The following TPX2 variants were observed in gnomAD, a reference collection of about 807,000 sequenced individuals.
TPX2 encodes the protein targeting protein for Xklp2.
A neutral mutation model predicts 93.6 loss-of-function variants in TPX2; 21 were observed. The observed-to-expected ratio is 0.22, with a 90% CI of 0.16 to 0.32. The LOEUF is 0.32. Among genes scored for constraint, TPX2 ranks in the 10% least tolerant of loss-of-function variants. The pLI, the probability that TPX2 is intolerant of heterozygous loss-of-function variation, is 1.00. For missense variants in TPX2, 776 were observed against 871.1 expected (o/e 0.89, Z 1.37); for synonymous variants, 281 against 298.3 (o/e 0.94, Z 0.60).
chr20:31,760,684 A>G (rs1200482763), intron 4 of TPX2, among the ~76,000 whole-genome samples: 1 of 152,144 alleles, frequency 6.6e-6, no homozygotes, highest in Non-Finnish European at 1.5e-5. Context: ...TTATTGCCAG[A>G]TACGTAACTG....
At chr20:31,757,353 C>T in intron 2 of TPX2, 54 bp from the exon 3 acceptor site, 1 of 770,576 alleles carries the variant, frequency 1.3e-6, no homozygotes, top group Non-Finnish European at 2.1e-6. Context: ...GTAGTAAAAC[C>T]AAAGTAATGA....
At position 31,792,878 on chromosome 20, in the gene TPX2, T is replaced by C. The variant is rs758251360; in HGVS notation, c.1509+48T>C. 5 of 1,520,632 alleles carry C rather than the reference T, an allele frequency of 3.3e-6. No homozygotes were observed. The South Asian group carries it at 5.6e-5, about 17-fold the overall frequency. 94.2% of individuals were successfully genotyped at this position (1,520,632 alleles called of 1,614,324 possible). A position where few individuals can be genotyped will look rare whatever the true frequency, so the allele number is the denominator to read the frequency against. On this transcript the variant is annotated intron_variant, in intron 13 of 17. Coordinates refer to ENST00000300403, the MANE Select transcript of TPX2 (RefSeq NM_012112.5). Reference sequence around the variant, plus strand: ...GTTCTTTTTCCTTCTATATAGTCAGTCAATCTAAGCCTTATCATTTATTAA... The same window carrying C: ...GTTCTTTTTCCTTCTATATAGTCAGCCAATCTAAGCCTTATCATTTATTAA...
Position 31,801,146 on chromosome 20 carries a change from G to C in TPX2, c.*66G>C. 1.4e-6 allele frequency: 2 copies of C among 1,417,746 alleles called. No homozygotes were observed. The highest frequency in any genetic ancestry group is 4.6e-5 in the East Asian group (2 of 43,726). 87.8% of individuals were successfully genotyped at this position (1,417,746 alleles called of 1,614,324 possible). A position where few individuals can be genotyped will look rare whatever the true frequency, so the allele number is the denominator to read the frequency against. On this transcript the variant is annotated 3_prime_UTR_variant, in exon 18 of 18. Transcript: ENST00000300403. ...TGCTCTTAACCTCAAACCTAGGACCGTCTTGCTTTGTCATTGGGCATGGAG... is the reference window on the plus strand; with the variant it reads ...TGCTCTTAACCTCAAACCTAGGACCCTCTTGCTTTGTCATTGGGCATGGAG...
intron 1 of TPX2, among the ~76,000 whole-genome samples, chr20:31,740,608 A>T (rs2061747897): frequency 6.6e-6 from 1 of 152,198 alleles, no homozygotes; most frequent in Admixed American, 6.5e-5. Context: ...CAGATATATG[A>T]TGTACTCAAA....
intron 3 of TPX2, among the ~76,000 whole-genome samples, chr20:31,759,400 T>C (rs1382951750): frequency 1.4e-5 from 2 of 143,918 alleles, no homozygotes; most frequent in Non-Finnish European, 3.0e-5. Flanking sequence ...TCTTTCGTTT[T>C]TTTTTTTTTT....
At chr20:31,798,901 A>G (rs1386867394) in intron 17 of TPX2, among the ~76,000 whole-genome samples, 1 of 152,260 alleles carries the variant, frequency 6.6e-6, no homozygotes. Context: ...GGAAGTTTTC[A>G]TAAGGAGGAC....
chr20:31,798,541 C>T lies in TPX2; in HGVS notation c.2122C>T (p.Arg708Trp), dbSNP rs961144867. 6 of 1,606,476 alleles carry T rather than the reference C, an allele frequency of 3.7e-6. No homozygotes were observed. Among genetic ancestry groups the T allele is most frequent in the South Asian group, 1.1e-5 (1 of 90,164 alleles). ...GAAAAAAGAGGAGCTGGCCAGGCTA[C>T]GGAGAGAACTGGTAACTGGGAGCAT... ...EQKKEELARL[R>W]RELVHKANPI... is the part of the protein sequence containing the mutation. Residue 708 changes from arginine to tryptophan, a missense_variant, in exon 17 of 18, where the codon CGG becomes TGG. Coordinates refer to ENST00000300403, the MANE Select transcript of TPX2 (RefSeq NM_012112.5).
chr20:31,783,668 A>T (rs756431955), intron 11 of TPX2, 37 bp from the exon 12 acceptor site: 1 of 1,572,170 alleles, frequency 6.4e-7, no homozygotes, highest in East Asian at 2.2e-5. Flanking sequence ...ATTTTATTAA[A>T]ATTTTTTTTG....
chr20:31,797,569 T>C (rs939966166), intron 16 of TPX2, 54 bp downstream of exon 16: 2 of 1,480,756 alleles, frequency 1.4e-6, no homozygotes, highest in African/African-American at 2.8e-5. Context: ...GACTTCCCAG[T>C]GGGATGCTGG....
At chr20:31,754,367 C>T (rs2061839000) in intron 2 of TPX2, among the ~76,000 whole-genome samples, 1 of 152,172 alleles carries the variant, frequency 6.6e-6, no homozygotes, top group Admixed American at 6.5e-5. Context: ...AGGCATGAGC[C>T]ACCACTCTCA....
At chr20:31,743,531 T>A (rs1007604347) in intron 2 of TPX2, among the ~76,000 whole-genome samples, 3 of 151,618 alleles carry the variant, frequency 2.0e-5, no homozygotes, top group African/African-American at 4.8e-5. Flanking sequence ...ACAAAAAAAA[T>A]AAAACATAAA....
intron 1 of TPX2, among the ~76,000 whole-genome samples, chr20:31,742,171 GCT>G (rs1382535800): frequency 7.1e-6 from 1 of 141,798 alleles, no homozygotes; most frequent in Admixed American, 7.1e-5. Context: ...GTAAAAGTTT[GCT>G]CTTTTTTTTT....
chr20:31,745,974 C>T (rs2061781670), intron 2 of TPX2, among the ~76,000 whole-genome samples: 1 of 152,020 alleles, frequency 6.6e-6, no homozygotes, highest in African/African-American at 2.4e-5. Context: ...GTTTGTAATC[C>T]TTAAAAAAGG....
intron 15 of TPX2, 98 bp downstream of exon 15, chr20:31,794,646 AT>A: frequency 6.9e-7 from 1 of 1,447,064 alleles, no homozygotes; most frequent in Non-Finnish European, 9.4e-7. Context: ...AACATGCTAC[AT>A]TGTTTCAGGG....
At chr20:31,745,630 T>C (rs766693078) in intron 2 of TPX2, among the ~76,000 whole-genome samples, 1 of 152,186 alleles carries the variant, frequency 6.6e-6, no homozygotes, top group Non-Finnish European at 1.5e-5. Context: ...ATAAACACTT[T>C]TATTAGGTTC....
intron 2 of TPX2, among the ~76,000 whole-genome samples, chr20:31,743,552 C>T (rs574104787): frequency 3.4e-4 from 52 of 151,888 alleles, no homozygotes; most frequent in African/African-American, 1.2e-3. Flanking sequence ...AAAATTTAAC[C>T]GGGCGTGGTG....
At position 31,770,332 on chromosome 20, in the gene TPX2, C is replaced by G. The variant is rs2061957525; in HGVS notation, c.357-11C>G. 6.5e-7 allele frequency: 1 copy of G among 1,530,342 alleles called. No homozygotes were observed. The highest frequency in any genetic ancestry group is 8.7e-7 in the Non-Finnish European group (1 of 1,143,462). 94.8% of individuals were successfully genotyped at this position (1,530,342 alleles called of 1,614,324 possible). ...TATTTATTATATATTTTGTCAATTT[C>G]TCTACCATAGAAGATCTCTTAGGCT... is the stretch of plus-strand genomic sequence containing the variant. On this transcript the variant is annotated splice_polypyrimidine_tract_variant and intron_variant, in intron 5 of 17. Coordinates refer to ENST00000300403, the MANE Select transcript of TPX2 (RefSeq NM_012112.5).
chr20:31,774,144 C>T (rs1396869326), intron 7 of TPX2, among the ~76,000 whole-genome samples: 3 of 152,206 alleles, frequency 2.0e-5, no homozygotes, highest in Admixed American at 6.5e-5. Flanking sequence ...GCTGGGATTA[C>T]AGGCATGAGC....
chr20:31,752,218 G>A (rs1281533080), intron 2 of TPX2, among the ~76,000 whole-genome samples: 1 of 152,172 alleles, frequency 6.6e-6, no homozygotes, highest in Non-Finnish European at 1.5e-5. Flanking sequence ...CCAGATGACT[G>A]CCATAGCTCC....
Sources: gnomAD v4.1 joint callset for allele counts (sites outside exome capture counted in the v4.1 genomes callset) on GRCh38, gnomAD v4.1.1 for gene constraint, MANE v1.5 for transcripts, NCBI Gene and HGNC (gene_info 2026-07-23, HGNC 2026-07-21) for gene names.